Variants in RGS8 observed in about 807,000 individuals in gnomAD.
RGS8 encodes the protein regulator of G-protein signaling 8.
RGS8 carries 8 observed loss-of-function variants against 21.7 expected under a neutral mutation model. The observed-to-expected ratio is 0.37, with a 90% CI of 0.22 to 0.66. The LOEUF (loss-of-function observed/expected upper bound fraction) is 0.66, where lower values mean the gene tolerates loss of function less well. RGS8 is among the 30% of genes least tolerant of loss of function. The pLI is 0.59. For missense variants in RGS8, 157 were observed against 217.9 expected, an observed-to-expected ratio of 0.72 and a Z score of 1.76; for synonymous variants, 80 against 83.6, an observed-to-expected ratio of 0.96 and a Z score of 0.24.
At chr1:182,646,691 G>T in exon 7 of RGS8, 1 of 1,540,844 alleles carries the variant, frequency 6.5e-7, no homozygotes, top group Non-Finnish European at 8.9e-7. Context: ...TTGGCAGCAA[G>T]TGGAGGGGAA....
chr1:182,705,879 T>A, the RGS8 span, among the ~76,000 whole-genome samples: 6 of 152,166 alleles, frequency 3.9e-5, no homozygotes, highest in Non-Finnish European at 8.8e-5. Flanking sequence ...TAGGAGCAAG[T>A]GGGTATGGGG....
chr1:182,699,925 A>C, the RGS8 span, among the ~76,000 whole-genome samples: 1 of 152,166 alleles, frequency 6.6e-6, no homozygotes, highest in Non-Finnish European at 1.5e-5. Context: ...CGGCAAATTT[A>C]ACAGGAGGGC....
upstream of RGS8, chr1:182,671,971 T>C: frequency 7.6e-7 from 1 of 1,318,996 alleles, no homozygotes; most frequent in Admixed American, 3.1e-5. Context: ...CCGGGCACAG[T>C]CTGCACGCCC....
At chr1:182,671,398 C>T (rs1026398802) in intron 2 of RGS8, among the ~76,000 whole-genome samples, 2 of 152,156 alleles carry the variant, frequency 1.3e-5, no homozygotes, top group African/African-American at 2.4e-5. Context: ...AGTGCATGTG[C>T]CCTCATAGGT....
chr1:182,684,586 G>A (rs1201580896), upstream of RGS8: 1 of 152,306 alleles, frequency 6.6e-6, no homozygotes, highest in Non-Finnish European at 1.5e-5. The surrounding 1 kb of genome is among the most constrained non-coding windows in gnomAD (Gnocchi z 4.2). Context: ...GAAAGAGCGA[G>A]TGAGCGGCAG....
chr1:182,652,651 G>A (rs1557884726), intron 5 of RGS8, among the ~76,000 whole-genome samples: 2 of 152,152 alleles, frequency 1.3e-5, no homozygotes, highest in Non-Finnish European at 2.9e-5. Flanking sequence ...AGATATAATC[G>A]TGACTTCACA....
intron 5 of RGS8, among the ~76,000 whole-genome samples, chr1:182,657,215 A>G (rs10797789): frequency 0.76 from 114,843 of 151,686 alleles, 43,494 homozygotes; most frequent in Non-Finnish European, 0.78. Flanking sequence ...CCTTCCATCC[A>G]CCTCCCACCT....
chr1:182,654,225 T>C (rs1033057856), intron 5 of RGS8, among the ~76,000 whole-genome samples: 16 of 152,160 alleles, frequency 1.1e-4, no homozygotes, highest in Non-Finnish European at 4.4e-5. Context: ...TCTCTCCAGA[T>C]GTGTGTGCAG....
chr1:182,688,952 C>T (rs562034558), upstream of RGS8, among the ~76,000 whole-genome samples: 8 of 152,270 alleles, frequency 5.3e-5, no homozygotes, highest in East Asian at 7.7e-4. Flanking sequence ...CCAATGAGAC[C>T]GCTGTGGGAA....
chr1:182,668,959 T>C (rs1291954382), intron 3 of RGS8, among the ~76,000 whole-genome samples: 1 of 152,164 alleles, frequency 6.6e-6, no homozygotes, highest in African/African-American at 2.4e-5. Flanking sequence ...TCATCAATCA[T>C]AAAACATTCA....
chr1:182,737,169 C>T, the RGS8 span, among the ~76,000 whole-genome samples: 2 of 152,010 alleles, frequency 1.3e-5, no homozygotes, highest in African/African-American at 4.8e-5. Context: ...CATTGCATTC[C>T]TCTTTGGTGT....
chr1:182,648,563 A>G (rs1662819036), intron 5 of RGS8, among the ~76,000 whole-genome samples: 1 of 151,298 alleles, frequency 6.6e-6, no homozygotes, highest in African/African-American at 2.4e-5. Flanking sequence ...GTAAAATCCC[A>G]TCTCTACTAA....
chr1:182,684,624 G>C (rs981796941), upstream of RGS8: 1 of 152,420 alleles, frequency 6.6e-6, no homozygotes, highest in African/African-American at 2.4e-5. The surrounding 1 kb of genome is among the most constrained non-coding windows in gnomAD (Gnocchi z 4.2). Context: ...CAGAGGGAGG[G>C]GAGAGGGGCA....
At chr1:182,668,263 G>A (rs748265241) in intron 3 of RGS8, among the ~76,000 whole-genome samples, 1 of 152,186 alleles carries the variant, frequency 6.6e-6, no homozygotes, top group Non-Finnish European at 1.5e-5. Context: ...AGTGGGACAG[G>A]TTTAGTATAA....
At chr1:182,648,888 G>T (rs936702875) in intron 5 of RGS8, among the ~76,000 whole-genome samples, 3 of 152,162 alleles carry the variant, frequency 2.0e-5, no homozygotes, top group African/African-American at 7.2e-5. Flanking sequence ...ATCATCTGAG[G>T]TCAGGAGTTC....
chr1:182,741,914 T>TG, the RGS8 span, among the ~76,000 whole-genome samples: 1 of 139,842 alleles, frequency 7.2e-6, no homozygotes, highest in East Asian at 2.2e-4. Context: ...AGGAGGTGGC[T>TG]GCCGGGCGGA....
the RGS8 span, among the ~76,000 whole-genome samples, chr1:182,750,208 T>G: frequency 6.6e-6 from 1 of 152,202 alleles, no homozygotes; most frequent in Non-Finnish European, 1.5e-5. Context: ...TTTTTTCTTT[T>G]TACTCTACAA....
the RGS8 span, among the ~76,000 whole-genome samples, chr1:182,740,195 C>G: frequency 1.3e-5 from 2 of 152,180 alleles, no homozygotes; most frequent in South Asian, 2.1e-4. Flanking sequence ...CCCAACTGGC[C>G]TGCTGTAATA....
downstream of RGS8, chr1:182,641,826 G>A (rs1662477725): frequency 6.6e-6 from 1 of 152,206 alleles, no homozygotes; most frequent in Admixed American, 6.5e-5. Flanking sequence ...GCTTGTTCAG[G>A]TTCTGTTTAT....
Sources: gnomAD v4.1 joint callset for allele counts (sites outside exome capture counted in the v4.1 genomes callset) on GRCh38, gnomAD v4.1.1 for gene constraint, Gnocchi (gnomAD v3.1) non-coding constraint, MANE v1.5 for transcripts, NCBI Gene and HGNC (gene_info 2026-07-23, HGNC 2026-07-21) for gene names.